XRRA1: variants seen among roughly 807,000 people sequenced by gnomAD.
XRRA1 encodes the protein X-ray radiation resistance associated 1.
Under a neutral mutation model 80.2 loss-of-function variants are expected in XRRA1, and 69 were observed. The ratio of observed to expected loss-of-function variants is 0.86; its 90% CI spans 0.71 to 1.05. The LOEUF is 1.05. Ranked by LOEUF, XRRA1 falls within the 50% of genes least tolerant of loss-of-function variation. The probability of loss-of-function intolerance (pLI) is 0.00; values close to 1 mark genes in which losing one functional copy is unlikely to be tolerated. For synonymous variants in XRRA1, 348 were observed against 389.9 expected (o/e 0.89, Z 1.27); for missense variants, 967 against 976.4 (o/e 0.99, Z 0.13).
Position 74,880,795 on chromosome 11 carries a change from G to C in XRRA1, c.1004-17774C>G, listed in dbSNP as rs915601634. 3.2e-3 allele frequency among the ~76,000 whole-genome samples: 489 copies of C among 151,786 alleles called. 2 individuals carry two copies. The highest frequency in any genetic ancestry group is 6.9e-3 in the Admixed American group (106 of 15,256). On this transcript the variant is annotated intron_variant, in intron 10 of 18. Coordinates refer to ENST00000684022, the MANE Select transcript of XRRA1 (RefSeq NM_001378157.1). ...TTTTGAGTGAGATTCTTAATCCTGAGTTCCAGTTTGATTGCACTGTGGTCT... is the reference window on the plus strand; with the variant it reads ...TTTTGAGTGAGATTCTTAATCCTGACTTCCAGTTTGATTGCACTGTGGTCT...
In XRRA1 at chr11:74,937,087, C is replaced by T. The variant is rs1296580454; in HGVS notation, c.95-19G>A. On this transcript the variant is annotated intron_variant, in intron 3 of 18. Coordinates refer to ENST00000684022, the MANE Select transcript of XRRA1 (RefSeq NM_001378157.1). ...CCTTGGCCTGTTGAGAAAATTAGAA[C>T]AGTGAAAAGGGGAAAACTCCAAAGC... is the stretch of plus-strand genomic sequence containing the variant. 1 of 1,604,932 alleles carries T rather than the reference C, an allele frequency of 6.2e-7. No homozygotes were observed. Among genetic ancestry groups the T allele is most frequent in the African/African-American group, 1.3e-5 (1 of 74,368 alleles).
At chr11:74,860,565 C>T (rs1264497454) in intron 11 of XRRA1, among the ~76,000 whole-genome samples, 1 of 152,236 alleles carries the variant, frequency 6.6e-6, no homozygotes. Flanking sequence ...AACTATCCAA[C>T]TCACTTTCTA....
intron 8 of XRRA1, among the ~76,000 whole-genome samples, chr11:74,915,032 G>T (rs1435820593): frequency 6.6e-6 from 1 of 152,174 alleles, no homozygotes; most frequent in African/African-American, 2.4e-5. Flanking sequence ...AAATGACTTA[G>T]CATGATATGC....
intron 10 of XRRA1, among the ~76,000 whole-genome samples, chr11:74,893,674 CA>C (rs1190512456): frequency 5.3e-5 from 8 of 151,166 alleles, no homozygotes; most frequent in Non-Finnish European, 1.2e-4. Context: ...AAATGCAAAT[CA>C]AAACCATAAT....
In XRRA1 at chr11:74,868,086, T is replaced by A. The variant is rs140692812; in HGVS notation, c.1004-5065A>T. Among the ~76,000 whole-genome samples, 17 of 152,094 alleles carry A rather than the reference T, an allele frequency of 1.1e-4. No individual in the cohort carries two copies. In the East Asian group the frequency reaches 3.3e-3, roughly 29 times the overall value. On this transcript the variant is annotated intron_variant, in intron 10 of 18. Coordinates refer to ENST00000684022, the MANE Select transcript of XRRA1 (RefSeq NM_001378157.1). The stretch of plus-strand genomic sequence containing the variant: ...ACAAGCATGCGTCACCGCACCTAAT[T>A]TTTTGTATTTTTAGTAGAGACAGGG...
At chr11:74,843,705 G>A (rs1421217989) in intron 18 of XRRA1, 149 bp downstream of exon 18, 1 of 833,346 alleles carries the variant, frequency 1.2e-6, no homozygotes, top group African/African-American at 1.7e-5. Context: ...GCCTCACGCT[G>A]GCTCTCCTTT....
chr11:74,933,665 T>C lies in XRRA1; in HGVS notation c.351+136A>G. On this transcript the variant is annotated intron_variant, in intron 5 of 18. Transcript: ENST00000684022. ...TCAACCCAATAAATCCTTGTCTGAC[T>C]CTCCTCTCCCTCCTTCTTCGTGACC... 4.3e-6 allele frequency: 3 copies of C among 693,156 alleles called. No individual in the cohort carries two copies. In the Admixed American group the frequency reaches 8.2e-5, roughly 19 times the overall value. 42.9% of individuals were successfully genotyped at this position (693,156 alleles called of 1,614,324 possible). A position where few individuals can be genotyped will look rare whatever the true frequency, so the allele number is the denominator to read the frequency against.
chr11:74,860,217 G>C (rs1018933645), intron 11 of XRRA1, among the ~76,000 whole-genome samples: 8 of 152,220 alleles, frequency 5.3e-5, no homozygotes, highest in Admixed American at 2.0e-4. Flanking sequence ...GGACAGGTCA[G>C]TCATGGGTGA....
At chr11:74,877,595 G>A (rs867913233) in intron 10 of XRRA1, among the ~76,000 whole-genome samples, 11 of 147,052 alleles carry the variant, frequency 7.5e-5, no homozygotes, top group South Asian at 4.5e-4. Flanking sequence ...TATATCTCCC[G>A]ATGCTATCCC....
chr11:74,844,085 G>A (rs2037290524), intron 17 of XRRA1, 83 bp downstream of exon 17: 1 of 1,486,356 alleles, frequency 6.7e-7, no homozygotes, highest in South Asian at 1.2e-5. Context: ...ATGGCCCTCA[G>A]AGGGTCCCAA....
intron 5 of XRRA1, among the ~76,000 whole-genome samples, 167 bp from the exon 6 acceptor site, chr11:74,930,539 CT>C (rs1268603890): frequency 6.6e-6 from 1 of 152,118 alleles, no homozygotes; most frequent in Non-Finnish European, 1.5e-5. Context: ...GGTTTTCCTG[CT>C]TTTTTTCCAC....
At chr11:74,874,551 C>T (rs1363174986) in intron 10 of XRRA1, among the ~76,000 whole-genome samples, 2 of 152,182 alleles carry the variant, frequency 1.3e-5, no homozygotes, top group African/African-American at 2.4e-5. Flanking sequence ...CCTACTGATA[C>T]CAGAGGCCAC....
At chr11:74,873,834 C>T (rs577638161) in intron 10 of XRRA1, among the ~76,000 whole-genome samples, 2 of 152,260 alleles carry the variant, frequency 1.3e-5, no homozygotes, top group Non-Finnish European at 2.9e-5. Context: ...CAATTTCCTC[C>T]TTCCCCCTCC....
intron 10 of XRRA1, among the ~76,000 whole-genome samples, chr11:74,875,613 T>C (rs1179998177): frequency 6.6e-6 from 1 of 152,174 alleles, no homozygotes; most frequent in African/African-American, 2.4e-5. Flanking sequence ...GCACGGTGGC[T>C]CACACCTGTA....
intron 10 of XRRA1, among the ~76,000 whole-genome samples, chr11:74,879,441 T>C (rs1260503692): frequency 6.6e-6 from 1 of 152,322 alleles, no homozygotes; most frequent in African/African-American, 2.4e-5. Flanking sequence ...CTTTTCCTAA[T>C]TGAATACCCT....
intron 10 of XRRA1, among the ~76,000 whole-genome samples, chr11:74,869,310 A>G (rs1310471085): frequency 3.3e-5 from 5 of 152,196 alleles, no homozygotes; most frequent in Non-Finnish European, 5.9e-5. Context: ...ACAAAGAGGC[A>G]ACATACTGAT....
At chr11:74,860,304 G>C (rs560568619) in intron 11 of XRRA1, among the ~76,000 whole-genome samples, 1 of 152,338 alleles carries the variant, frequency 6.6e-6, no homozygotes. Flanking sequence ...GGCAATTTCT[G>C]AGACGCAAGA....
At chr11:74,924,257 C>T (rs1320211419) in intron 7 of XRRA1, among the ~76,000 whole-genome samples, 1 of 150,316 alleles carries the variant, frequency 6.7e-6, no homozygotes, top group Non-Finnish European at 1.5e-5. Flanking sequence ...GGGCAGATCA[C>T]GAGGTCAGGA....
At chr11:74,898,265 T>C (rs1565357771) in intron 10 of XRRA1, among the ~76,000 whole-genome samples, 1 of 151,856 alleles carries the variant, frequency 6.6e-6, no homozygotes, top group African/African-American at 2.4e-5. Context: ...AAATATACGA[T>C]GGATACACAA....
Sources: gnomAD v4.1 joint callset for allele counts (sites outside exome capture counted in the v4.1 genomes callset) on GRCh38, gnomAD v4.1.1 for gene constraint, MANE v1.5 for transcripts, NCBI Gene and HGNC (gene_info 2026-07-23, HGNC 2026-07-21) for gene names.